The following IGF2R variants were observed in gnomAD, a reference collection of about 807,000 sequenced individuals.
The protein encoded by IGF2R is insulin like growth factor 2 receptor.
IGF2R carries 91 observed loss-of-function variants against 270.6 expected under a neutral mutation model. The ratio of observed to expected loss-of-function variants is 0.34; its 90% CI spans 0.28 to 0.40. The LOEUF (loss-of-function observed/expected upper bound fraction) is 0.40. Ranked by LOEUF, IGF2R falls within the 10% of genes least tolerant of loss-of-function variation. The pLI is 1.00. For missense variants in IGF2R, 2,805 were observed against 3,188.3 expected, an observed-to-expected ratio of 0.88 and a Z score of 2.90; for synonymous variants, 1,316 against 1,258.9, an observed-to-expected ratio of 1.05 and a Z score of -0.96.
intron 2 of IGF2R, chr6:160,007,648 G>C (rs1020135831): frequency 6.6e-6 from 1 of 152,122 alleles, no homozygotes; most frequent in Non-Finnish European, 1.5e-5. Context: ...CTCCTTTCCA[G>C]CATGGTGTGT....
intron 10 of IGF2R, among the ~76,000 whole-genome samples, chr6:160,039,788 G>A (rs955750010): frequency 6.6e-6 from 1 of 152,182 alleles, no homozygotes; most frequent in Non-Finnish European, 1.5e-5. Context: ...GAGCAAGTCA[G>A]CAAAGCCTCT....
chr6:160,055,839 C>G (rs1778303483), intron 19 of IGF2R, among the ~76,000 whole-genome samples: 1 of 152,170 alleles, frequency 6.6e-6, no homozygotes, highest in African/African-American at 2.4e-5. Flanking sequence ...GGTGGTGGTG[C>G]TCTCACAAAG....
At position 160,027,442 on chromosome 6, in the gene IGF2R, G is replaced by A; in HGVS notation, c.776+128G>A. On this transcript the variant is annotated intron_variant, in intron 6 of 47. Coordinates refer to ENST00000356956, the MANE Select transcript of IGF2R (RefSeq NM_000876.4). ...TCCCTGCAGCATTGCTGCTTCACAT[G>A]TACTTGTAAGATTGTTGGTCATTGC... 4 of 1,042,578 alleles carry A rather than the reference G, an allele frequency of 3.8e-6. No individual in the cohort carries two copies. The South Asian group carries it at 6.8e-5, about 18-fold the overall frequency. The allele number at this position is 1,042,578 out of a possible 1,614,324, so 64.6% of individuals were successfully genotyped here. A position where few individuals can be genotyped will look rare whatever the true frequency, so the allele number is the denominator to read the frequency against.
intron 45 of IGF2R, among the ~76,000 whole-genome samples, 180 bp downstream of exon 45, chr6:160,096,805 T>C (rs571439158): frequency 6.6e-6 from 1 of 152,354 alleles, no homozygotes; most frequent in South Asian, 2.1e-4. Context: ...CTTGTCAGCA[T>C]CCTGCCACTG....
chr6:160,053,530 T>C (rs935915323), intron 19 of IGF2R, among the ~76,000 whole-genome samples: 1 of 152,166 alleles, frequency 6.6e-6, no homozygotes, highest in African/African-American at 2.4e-5. Context: ...GCAGACTGTG[T>C]GGAGTTTGCT....
At chr6:159,988,111 A>G (rs967639311) in intron 1 of IGF2R, among the ~76,000 whole-genome samples, 5 of 152,320 alleles carry the variant, frequency 3.3e-5, no homozygotes, top group Admixed American at 3.3e-4. Flanking sequence ...GATTATCAGG[A>G]CAATATCCCT....
intron 2 of IGF2R, among the ~76,000 whole-genome samples, chr6:160,000,728 G>GTTTT (rs59215791): frequency 0.017 from 1,200 of 69,824 alleles, 21 homozygotes; most frequent in East Asian, 0.036. Context: ...GTGTGAGGTT[G>GTTTT]TTTTTTTTTT....
chr6:159,974,458 T>C (rs1783658666), intron 1 of IGF2R, among the ~76,000 whole-genome samples: 1 of 152,216 alleles, frequency 6.6e-6, no homozygotes. Context: ...ATGTGTGAGG[T>C]ATGAGTGTTT....
chr6:160,041,533 A>G (rs1411357358), intron 11 of IGF2R, among the ~76,000 whole-genome samples: 1 of 152,106 alleles, frequency 6.6e-6, no homozygotes, highest in African/African-American at 2.4e-5. Flanking sequence ...GGTGCAGCAA[A>G]CCACCATGGC....
chr6:159,969,695 C>T (rs962268878), intron 1 of IGF2R, among the ~76,000 whole-genome samples: 1 of 152,068 alleles, frequency 6.6e-6, no homozygotes, highest in East Asian at 1.9e-4. Context: ...TCGCCCCGGC[C>T]CTTGGGGTCG....
chr6:160,079,471 C>A, intron 37 of IGF2R, 109 bp from the exon 38 acceptor site: 1 of 735,330 alleles, frequency 1.4e-6, no homozygotes. Flanking sequence ...GGAGTCTTTG[C>A]TCTTCCTCAT....
In IGF2R at chr6:160,084,140, C is replaced by A; in HGVS notation, c.6024C>A (p.Leu2008=). Residue 2008 remains leucine, a synonymous_variant, in exon 40 of 48, where the codon CTC becomes CTA. Coordinates refer to ENST00000356956, the MANE Select transcript of IGF2R (RefSeq NM_000876.4). This position sits in a 1 kb window ranked among gnomAD's most constrained non-coding sequence, Gnocchi z 4.6. ...ACAAAACCTACGACCTGCGGCTGCT[C>A]TCCTCTCTCACCGGGTCCTGGTCCC... ...QKHKTYDLRL[L]SSLTGSWSLV... 6.2e-7 allele frequency: 1 copy of A among 1,614,110 alleles called. No homozygotes were observed. The highest frequency in any genetic ancestry group is 1.1e-5 in the South Asian group (1 of 91,076).
chr6:159,986,402 T>TTGTGTG (rs56105769), intron 1 of IGF2R, among the ~76,000 whole-genome samples: 186 of 131,962 alleles, frequency 1.4e-3, no homozygotes, highest in South Asian at 4.5e-3. Context: ...TGGCTAATTT[T>TTGTGTG]TGTGTGTGTG....
At chr6:159,988,548 C>T (rs1476514162) in intron 1 of IGF2R, among the ~76,000 whole-genome samples, 2 of 149,614 alleles carry the variant, frequency 1.3e-5, no homozygotes, top group African/African-American at 4.9e-5. Context: ...AAAAGCATAG[C>T]ATTTTAGGTA....
chr6:160,014,127 G>C (rs564917849), intron 4 of IGF2R, among the ~76,000 whole-genome samples: 242 of 152,266 alleles, frequency 1.6e-3, no homozygotes, highest in Non-Finnish European at 3.0e-3. Flanking sequence ...AGTGGATTCT[G>C]GTAGAGGCTT....
At chr6:160,025,988 T>G (rs1777551877) in intron 5 of IGF2R, among the ~76,000 whole-genome samples, 1 of 152,192 alleles carries the variant, frequency 6.6e-6, no homozygotes, top group South Asian at 2.1e-4. Flanking sequence ...ACAGTAGGGG[T>G]GCCCTAGTTT....
intron 2 of IGF2R, among the ~76,000 whole-genome samples, chr6:160,001,076 A>AC (rs1784122579): frequency 6.6e-6 from 1 of 151,434 alleles, no homozygotes; most frequent in African/African-American, 2.4e-5. Flanking sequence ...GGGGTCCTCA[A>AC]CCCCCGGGCC....
chr6:160,048,475 C>T lies in IGF2R; in HGVS notation c.2446C>T (p.Pro816Ser), dbSNP rs748380169. ...GAAATACTACATTAACGTGTGTCGG[C>T]CTCTGAATCCAGTGCCGGGCTGCAA... ...WRKYYINVCRPLNPVPGCNRY... is the reference protein window; with the variant it reads ...WRKYYINVCRSLNPVPGCNRY... The change falls in exon 18 of 48, where the codon CCT (proline) becomes TCT (serine). Residue 816 changes from proline (P) to serine (S), a missense_variant. Transcript: ENST00000356956. 1.9e-6 allele frequency: 3 copies of T among 1,614,104 alleles called. No individual in the cohort carries two copies. In the African/African-American group the frequency reaches 4.0e-5, roughly 22 times the overall value.
intron 11 of IGF2R, 140 bp from the exon 12 acceptor site, chr6:160,043,008 C>G (rs1016794503): frequency 6.0e-6 from 5 of 830,966 alleles, no homozygotes; most frequent in Non-Finnish European, 9.3e-6. Context: ...TGCCCGGGTT[C>G]CAGAAACAGC....
Sources: gnomAD v4.1 joint callset for allele counts (sites outside exome capture counted in the v4.1 genomes callset) on GRCh38, gnomAD v4.1.1 for gene constraint, Gnocchi (gnomAD v3.1) non-coding constraint, MANE v1.5 for transcripts, NCBI Gene and HGNC (gene_info 2026-07-23, HGNC 2026-07-21) for gene names.